KTN1: variants seen among roughly 807,000 people sequenced by gnomAD.
The protein encoded by KTN1 is kinectin 1, also known as kinectin.
In KTN1, 130 loss-of-function variants were observed where a neutral mutation model predicts 222.5. The observed-to-expected ratio is 0.58, with a 90% CI of 0.51 to 0.68. The LOEUF is 0.68. KTN1 is among the 30% of genes least tolerant of loss of function. The pLI is 0.00. For synonymous variants in KTN1, 512 were observed against 496.3 expected, an observed-to-expected ratio of 1.03 and a Z score of -0.42; for missense variants, 1,508 against 1,500.4, an observed-to-expected ratio of 1.01 and a Z score of -0.08.
intron 8 of KTN1, 90 bp from the exon 9 acceptor site, chr14:55,634,436 C>T (rs1566759738): frequency 1.3e-5 from 16 of 1,199,350 alleles, no homozygotes; most frequent in South Asian, 3.7e-5. Flanking sequence ...ACTACTAGCT[C>T]AGCTCAGCAA....
chr14:55,625,922 C>T (rs1458203124), intron 5 of KTN1, among the ~76,000 whole-genome samples: 1 of 152,050 alleles, frequency 6.6e-6, no homozygotes, highest in Admixed American at 6.6e-5. Context: ...TAATCAATCA[C>T]GTGTTTATTA....
intron 31 of KTN1, 40 bp from the exon 32 acceptor site, chr14:55,661,482 T>C (rs910442725): frequency 2.8e-6 from 3 of 1,055,664 alleles, no homozygotes; most frequent in Non-Finnish European, 4.4e-6. Context: ...TATTACTGTT[T>C]ACCTAAAATC....
At position 55,677,473 on chromosome 14, in the gene KTN1, TA is replaced by T. The variant is rs72424779; in HGVS notation, c.3856-857del. On this transcript the variant is annotated intron_variant, in intron 41 of 43. Transcript: ENST00000395314. Reference sequence around the variant, plus strand: ...GCCTGGGTGACAGAGAAAGACTGTCTAAAAAAAAAAAAAAAAAAAAAAGTTA... The same window carrying T: ...GCCTGGGTGACAGAGAAAGACTGTCTAAAAAAAAAAAAAAAAAAAAAGTTA... 3.8e-3 allele frequency among the ~76,000 whole-genome samples: 372 copies of T among 98,348 alleles called. 2 individuals are homozygous for T. Among genetic ancestry groups the T allele is most frequent in the South Asian group, 0.012 (43 of 3,496 alleles). The allele number at this position is 98,348 out of a possible 152,430, so 64.5% of individuals were successfully genotyped here.
intron 33 of KTN1, among the ~76,000 whole-genome samples, 176 bp from the exon 34 acceptor site, chr14:55,667,060 TTTTTC>T (rs2141274074): frequency 6.6e-6 from 1 of 152,140 alleles, no homozygotes; most frequent in South Asian, 2.1e-4. Context: ...TTTTGCAGAT[TTTTTC>T]TTATGGGAGC....
rs552664857 is a variant in KTN1 at position 55,629,111 on chromosome 14, C to T, written c.1081-846C>T. The stretch of plus-strand genomic sequence containing the variant: ...TAGTACCGGCAAAACAAAATGAAAT[C>T]CCTCATTTAAGATTTGACTTAGTGG... On this transcript the variant is annotated intron_variant, in intron 6 of 43. Coordinates refer to ENST00000395314, the MANE Select transcript of KTN1 (RefSeq NM_001079521.2). 2.2e-3 allele frequency among the ~76,000 whole-genome samples: 329 copies of T among 152,228 alleles called. 1 individual carries two copies. The highest frequency in any genetic ancestry group is 4.0e-3 in the Non-Finnish European group (270 of 68,016).
intron 13 of KTN1, 139 bp downstream of exon 13, chr14:55,639,361 G>GT: frequency 1.5e-5 from 6 of 399,308 alleles, no homozygotes; most frequent in East Asian, 3.7e-5. Context: ...AGCAACTTTT[G>GT]CTTTTTTTTT....
At chr14:55,583,487 G>A (rs13379343) in intron 1 of KTN1, among the ~76,000 whole-genome samples, 12,175 of 152,140 alleles carry the variant, frequency 0.08, 535 homozygotes, top group South Asian at 0.12. Context: ...GAACTCTTCC[G>A]TAACTTAAAT....
intron 1 of KTN1, among the ~76,000 whole-genome samples, chr14:55,599,586 T>G (rs747470895): frequency 1.5e-4 from 23 of 152,128 alleles, no homozygotes; most frequent in Non-Finnish European, 2.9e-4. Flanking sequence ...GCGATTCTCC[T>G]GCCTCAGCCT....
At chr14:55,648,948 C>A in intron 21 of KTN1, 78 bp downstream of exon 21, 1 of 997,090 alleles carries the variant, frequency 1.0e-6, no homozygotes, top group Middle Eastern at 2.9e-4. Context: ...TTAAAAGAAA[C>A]GGGGTCTTGC....
intron 21 of KTN1, 55 bp from the exon 22 acceptor site, chr14:55,649,721 C>G: frequency 9.9e-7 from 1 of 1,008,760 alleles, no homozygotes; most frequent in Non-Finnish European, 1.5e-6. Context: ...ATTTCTATTT[C>G]TGACCCATTT....
At position 55,660,322 on chromosome 14, in the gene KTN1, A is replaced by G. The variant is rs117824487; in HGVS notation, c.2999+619A>G. Reference sequence around the variant, plus strand: ...TAGCCCAGGAAGTTCGCACCATTGCACTCCAGCCTGGCACCAAGAAAAAAA... The same window carrying G: ...TAGCCCAGGAAGTTCGCACCATTGCGCTCCAGCCTGGCACCAAGAAAAAAA... On this transcript the variant is annotated intron_variant, in intron 31 of 43. Coordinates refer to ENST00000395314, the MANE Select transcript of KTN1 (RefSeq NM_001079521.2). Among the ~76,000 whole-genome samples, 1,027 of 148,678 alleles carry G rather than the reference A, an allele frequency of 6.9e-3. 39 individuals are homozygous for G. The East Asian group carries it at 0.071, about 10-fold the overall frequency.
At chr14:55,589,848 G>A (rs1459525604) in intron 1 of KTN1, among the ~76,000 whole-genome samples, 15 of 151,624 alleles carry the variant, frequency 9.9e-5, no homozygotes, top group Admixed American at 9.2e-4. Context: ...TAGTAGAAAC[G>A]GGGTTTCACC....
intron 28 of KTN1, among the ~76,000 whole-genome samples, chr14:55,655,334 A>G (rs1401932677): frequency 6.6e-6 from 1 of 151,960 alleles, no homozygotes. Context: ...CTTTTTATAC[A>G]TTTATCTCAC....
Position 55,673,020 on chromosome 14 carries a change from C to A in KTN1, c.3687+8C>A, listed in dbSNP as rs952688906. 4.4e-5 allele frequency: 71 copies of A among 1,599,266 alleles called. No individual in the cohort carries two copies. The highest frequency in any genetic ancestry group is 6.7e-5 in the African/African-American group (5 of 74,598). On this transcript the variant is annotated splice_region_variant and intron_variant, in intron 39 of 43. Coordinates refer to ENST00000395314, the MANE Select transcript of KTN1 (RefSeq NM_001079521.2). ...GTTACAGAAGTCAGAGAGGTACTTA[C>A]AACAGAATCTTTTCAAACTTGCTTC...
intron 12 of KTN1, among the ~76,000 whole-genome samples, chr14:55,638,109 C>T (rs911260588): frequency 1.4e-4 from 21 of 151,790 alleles, no homozygotes; most frequent in Admixed American, 7.9e-4. Context: ...AATCCTGTCA[C>T]AAAACAAGGA....
chr14:55,622,095 C>T (rs2039225161), intron 5 of KTN1, among the ~76,000 whole-genome samples: 1 of 152,054 alleles, frequency 6.6e-6, no homozygotes, highest in Non-Finnish European at 1.5e-5. Flanking sequence ...GATCCGCCTG[C>T]CTCGGCCTCC....
intron 1 of KTN1, among the ~76,000 whole-genome samples, chr14:55,590,695 A>ATTT (rs2033947518): frequency 7.1e-6 from 1 of 141,804 alleles, no homozygotes; most frequent in African/African-American, 2.6e-5. Flanking sequence ...TTTTTTTTTG[A>ATTT]GATGGAGTCT....
chr14:55,618,523 A>G (rs2038707106), intron 4 of KTN1, among the ~76,000 whole-genome samples: 1 of 152,152 alleles, frequency 6.6e-6, no homozygotes, highest in Non-Finnish European at 1.5e-5. Context: ...ATAAGTACAC[A>G]ACTACCTTTT....
intron 6 of KTN1, among the ~76,000 whole-genome samples, chr14:55,628,248 C>G (rs958613841): frequency 2.6e-5 from 4 of 152,170 alleles, no homozygotes; most frequent in African/African-American, 9.7e-5. Context: ...TACAGATATC[C>G]TAGCTTCAGA....
Sources: allele counts gnomAD v4.1 joint callset (sites outside exome capture counted in the v4.1 genomes callset), GRCh38; gene constraint gnomAD v4.1.1; transcripts MANE v1.5; gene names NCBI Gene and HGNC (gene_info 2026-07-23, HGNC 2026-07-21).